The following RSU1 variants were observed in gnomAD, a reference collection of about 807,000 sequenced individuals.
RSU1 encodes the protein Ras suppressor protein 1.
RSU1 carries 26 observed loss-of-function variants against 31.1 expected under a neutral mutation model. The observed-to-expected ratio is 0.84, with a 90% CI of 0.61 to 1.16. The LOEUF is 1.16. Among genes scored for constraint, RSU1 ranks in the 50% most tolerant of loss-of-function variants. The pLI, the probability that RSU1 is intolerant of heterozygous loss-of-function variation, is 0.00. For synonymous variants in RSU1, 164 were observed against 136.3 expected, an observed-to-expected ratio of 1.20 and a Z score of -1.41; for missense variants, 320 against 339.1, an observed-to-expected ratio of 0.94 and a Z score of 0.44.
At chr10:16,757,058 T>C (rs1487289940) in intron 4 of RSU1, among the ~76,000 whole-genome samples, 1 of 147,332 alleles carries the variant, frequency 6.8e-6, no homozygotes, top group Admixed American at 6.7e-5. Flanking sequence ...GTGGGTGTGT[T>C]TGTACACGGT....
intron 3 of RSU1, among the ~76,000 whole-genome samples, chr10:16,780,603 G>GT (rs1436077429): frequency 6.6e-6 from 1 of 152,158 alleles, no homozygotes; most frequent in Non-Finnish European, 1.5e-5. Context: ...TATCATTGTT[G>GT]TAACAATGGT....
intron 7 of RSU1, among the ~76,000 whole-genome samples, chr10:16,752,150 G>T (rs1485606763): frequency 2.6e-5 from 4 of 152,208 alleles, no homozygotes; most frequent in Non-Finnish European, 2.9e-5. Context: ...AATTTAAGGG[G>T]TTAAAAAGTA....
chr10:16,718,221 CCAAATTCCAG>C (rs1703278198), intron 7 of RSU1, among the ~76,000 whole-genome samples: 1 of 152,000 alleles, frequency 6.6e-6, no homozygotes, highest in African/African-American at 2.4e-5. Context: ...TTTTCCATAC[CCAAATTCCAG>C]CTTGCTACTA....
At chr10:16,731,556 G>A (rs1456933229) in intron 7 of RSU1, among the ~76,000 whole-genome samples, 2 of 152,104 alleles carry the variant, frequency 1.3e-5, no homozygotes, top group East Asian at 3.9e-4. Flanking sequence ...AGCTTTTACG[G>A]TGCCTGGCAT....
At chr10:16,713,723 C>T (rs1836068933) in intron 7 of RSU1, among the ~76,000 whole-genome samples, 1 of 152,102 alleles carries the variant, frequency 6.6e-6, no homozygotes, top group African/African-American at 2.4e-5. Context: ...TTATTGTATT[C>T]CTTTGCAGGT....
chr10:16,629,203 G>T (rs557681624), intron 8 of RSU1, among the ~76,000 whole-genome samples: 1 of 152,258 alleles, frequency 6.6e-6, no homozygotes, highest in African/African-American at 2.4e-5. Flanking sequence ...GTGGGTCTGG[G>T]GTGGGGCCTC....
At chr10:16,805,361 A>G (rs1391074959) in intron 2 of RSU1, among the ~76,000 whole-genome samples, 2 of 152,130 alleles carry the variant, frequency 1.3e-5, no homozygotes, top group African/African-American at 4.8e-5. Flanking sequence ...GTGAATCGAA[A>G]ACTGCTCTTC....
chr10:16,774,568 T>TCAAA (rs1309297339), intron 3 of RSU1, among the ~76,000 whole-genome samples: 2 of 151,796 alleles, frequency 1.3e-5, no homozygotes, highest in African/African-American at 4.8e-5. Flanking sequence ...AGATCCTGTC[T>TCAAA]CAAACAAACA....
chr10:16,692,479 T>A lies in RSU1; in HGVS notation c.731+2544A>T, dbSNP rs539052344. Among the ~76,000 whole-genome samples, 22 of 152,324 alleles carry A rather than the reference T, an allele frequency of 1.4e-4. No individual in the cohort carries two copies. In the South Asian group the frequency reaches 4.1e-3, roughly 29 times the overall value. On this transcript the variant is annotated intron_variant, in intron 8 of 8. Transcript: ENST00000345264. ...ACAGAGAATTTCCTCTAATTCCAGA[T>A]GGCTAGGAGTTTGTTCATGCATTTT...
chr10:16,651,009 T>A (rs796665804), intron 8 of RSU1, among the ~76,000 whole-genome samples: 1 of 152,220 alleles, frequency 6.6e-6, no homozygotes, highest in Non-Finnish European at 1.5e-5. Context: ...GTATGGAATT[T>A]AGATTTGATT....
chr10:16,774,183 T>C (rs1837482400), intron 3 of RSU1, among the ~76,000 whole-genome samples: 1 of 152,166 alleles, frequency 6.6e-6, no homozygotes, highest in East Asian at 1.9e-4. Context: ...AATTCTTATT[T>C]AACAAAATGT....
chr10:16,748,696 C>A (rs1181915371), intron 7 of RSU1, among the ~76,000 whole-genome samples: 5 of 152,106 alleles, frequency 3.3e-5, no homozygotes, highest in Admixed American at 6.5e-5. Flanking sequence ...TCCAGCCACA[C>A]TGGCCTTGCT....
At chr10:16,682,904 T>A (rs55984015) in intron 8 of RSU1, among the ~76,000 whole-genome samples, 187 of 152,130 alleles carry the variant, frequency 1.2e-3, no homozygotes, top group African/African-American at 4.3e-3. Context: ...AAGGACACAA[T>A]AGGGGTTGGT....
At chr10:16,737,778 T>C (rs4748315) in intron 7 of RSU1, among the ~76,000 whole-genome samples, 27,757 of 151,276 alleles carry the variant, frequency 0.18, 2,649 homozygotes, top group Admixed American at 0.21. Flanking sequence ...ACAATATTAC[T>C]GGGAGTTATA....
intron 7 of RSU1, among the ~76,000 whole-genome samples, chr10:16,717,992 A>G (rs1436984028): frequency 6.6e-6 from 1 of 152,162 alleles, no homozygotes; most frequent in African/African-American, 2.4e-5. Flanking sequence ...ACAGTAACAA[A>G]TAACAAAAAA....
chr10:16,647,331 A>G (rs935136347), intron 8 of RSU1, among the ~76,000 whole-genome samples: 1 of 152,162 alleles, frequency 6.6e-6, no homozygotes, highest in African/African-American at 2.4e-5. Context: ...GTGCTTTGGA[A>G]AAGAGTCTGG....
In RSU1 at chr10:16,708,994, TTTGG is replaced by T. The variant is rs543305982; in HGVS notation, c.599-13843_599-13840del. On this transcript the variant is annotated intron_variant, in intron 7 of 8. Transcript: ENST00000345264. The stretch of plus-strand genomic sequence containing the variant: ...TTCTACCAGTTCTTTAGTAGAGTCC[TTTGG>T]TTTTTTTTTTTTAATTATACTTTAA... 3.8e-4 allele frequency among the ~76,000 whole-genome samples: 57 copies of T among 151,422 alleles called. No individual in the cohort carries two copies. The South Asian group carries it at 0.01, about 27-fold the overall frequency.
intron 3 of RSU1, among the ~76,000 whole-genome samples, chr10:16,780,094 T>C (rs527376633): frequency 1.3e-5 from 2 of 152,286 alleles, no homozygotes; most frequent in African/African-American, 2.4e-5. Flanking sequence ...CATATAAATA[T>C]GCTCCTCTAA....
At chr10:16,783,885 C>T (rs746838335) in intron 2 of RSU1, among the ~76,000 whole-genome samples, 17 of 152,068 alleles carry the variant, frequency 1.1e-4, no homozygotes, top group Non-Finnish European at 1.5e-5. Context: ...CTAATCCTAG[C>T]CCCCATTCAA....
Sources: gnomAD v4.1 joint callset for allele counts (sites outside exome capture counted in the v4.1 genomes callset) on GRCh38, gnomAD v4.1.1 for gene constraint, MANE v1.5 for transcripts, NCBI Gene and HGNC (gene_info 2026-07-23, HGNC 2026-07-21) for gene names.